Variants in GAK observed in about 807,000 individuals in gnomAD.
The protein encoded by GAK is cyclin-G-associated kinase.
GAK carries 79 observed loss-of-function variants against 143.9 expected under a neutral mutation model. The ratio of observed to expected loss-of-function variants is 0.55; its 90% CI spans 0.46 to 0.66. The LOEUF (loss-of-function observed/expected upper bound fraction) is 0.66, where lower values mean the gene tolerates loss of function less well. GAK is among the 30% of genes least tolerant of loss of function. GAK has a pLI of 0.00. For synonymous variants in GAK, 881 were observed against 765.5 expected (o/e 1.15, Z -2.49); for missense variants, 1,693 against 1,779.7 (o/e 0.95, Z 0.88).
intron 15 of GAK, among the ~76,000 whole-genome samples, chr4:880,352 G>A (rs982652194): frequency 2.0e-5 from 3 of 152,246 alleles, no homozygotes; most frequent in South Asian, 2.1e-4. Context: ...CTGCATGAGC[G>A]TCCTCAGCAC....
rs1426494836 is a variant in GAK, at chr4:871,206, C to A, written c.2055-302G>T. Among the ~76,000 whole-genome samples, 3 of 152,334 alleles carry A rather than the reference C, an allele frequency of 2.0e-5. No individual in the cohort carries two copies. In the East Asian group the frequency reaches 5.8e-4, roughly 29 times the overall value. On this transcript the variant is annotated intron_variant, in intron 18 of 27. Coordinates refer to ENST00000314167, the MANE Select transcript of GAK (RefSeq NM_005255.4). The stretch of plus-strand genomic sequence containing the variant: ...CGACTGTGTTCAAGGCAGAGGGGCA[C>A]CGGGCGGGGCCGCCATGTTTCCTGC...
chr4:868,585 G>A lies in GAK; in HGVS notation c.2349C>T (p.Ser783=), dbSNP rs770790242. 1.5e-5 allele frequency: 24 copies of A among 1,604,638 alleles called. No homozygotes were observed. The highest frequency in any genetic ancestry group is 2.7e-5 in the African/African-American group (2 of 74,680). The change falls in exon 20 of 28, where the codon AGC becomes AGT. Residue 783 remains serine, a synonymous_variant. Transcript: ENST00000314167. Reference sequence around the variant, plus strand: ...GGAAGCGACTGGCGTCCGCGCTGCTGCTTGGCGGTGAGTCAGAGTCTGTGG... The same window carrying A: ...GGAAGCGACTGGCGTCCGCGCTGCTACTTGGCGGTGAGTCAGAGTCTGTGG... ...AEPTDSDSPP[S]SSADASRFLH... is the part of the protein sequence containing the mutation.
Position 893,934 on chromosome 4 carries a change from T to G in GAK, c.817A>C (p.Asn273His). 1 of 1,612,906 alleles carries G rather than the reference T, an allele frequency of 6.2e-7. No homozygotes were observed. Among genetic ancestry groups the G allele is most frequent in the South Asian group, 1.1e-5 (1 of 91,022 alleles). ...TGCGGGGGGATCGAGTACTTCCCAT[T>G]GACTATTCGAAGTTTCGCTCCATCC... is the stretch of plus-strand genomic sequence containing the variant. ...FEDGAKLRIV[N>H]GKYSIPPHDT... The change falls in exon 8 of 28, where the codon AAT becomes CAT. Residue 273 changes from asparagine (N) to histidine (H), a missense_variant. By Grantham distance (68) the Asn-to-His change is moderately conservative. Coordinates refer to ENST00000314167, the MANE Select transcript of GAK (RefSeq NM_005255.4).
At chr4:873,904 A>G (rs1161084464) in intron 18 of GAK, among the ~76,000 whole-genome samples, 1 of 152,234 alleles carries the variant, frequency 6.6e-6, no homozygotes, top group Non-Finnish European at 1.5e-5. Flanking sequence ...ACTGACAGGC[A>G]CAGCAGGGCG....
chr4:855,573 TCTC>T (rs1748989850), intron 24 of GAK, among the ~76,000 whole-genome samples: 1 of 152,194 alleles, frequency 6.6e-6, no homozygotes, highest in Non-Finnish European at 1.5e-5. Context: ...GTAACTTTGA[TCTC>T]CTTTTCTTGC....
chr4:887,502 A>AGGAG (rs1716699288), intron 11 of GAK: 1 of 148,450 alleles, frequency 6.7e-6, no homozygotes, highest in African/African-American at 2.5e-5. Context: ...ATGCGTACAC[A>AGGAG]TGCATGTGGC....
chr4:925,644 G>C (rs1378730327), intron 1 of GAK, among the ~76,000 whole-genome samples: 1 of 152,118 alleles, frequency 6.6e-6, no homozygotes. Flanking sequence ...GGCCTCCTTG[G>C]GGGTGACTAG....
intron 23 of GAK, among the ~76,000 whole-genome samples, chr4:860,947 A>C (rs932537216): frequency 1.3e-5 from 2 of 152,172 alleles, no homozygotes; most frequent in Admixed American, 6.5e-5. Flanking sequence ...CCTGTGCCCC[A>C]TTTTGGGAAC....
chr4:907,902 A>C (rs1270765120), intron 4 of GAK, among the ~76,000 whole-genome samples: 1 of 152,088 alleles, frequency 6.6e-6, no homozygotes, highest in Non-Finnish European at 1.5e-5. Flanking sequence ...TGCCTCGTGT[A>C]TTTATGACTT....
intron 11 of GAK, 129 bp from the exon 12 acceptor site, chr4:884,215 G>A (rs1715778558): frequency 2.7e-6 from 2 of 732,882 alleles, no homozygotes; most frequent in Non-Finnish European, 4.7e-6. Flanking sequence ...ATCCCAGGAG[G>A]AACGTGTGTG....
intron 11 of GAK, chr4:886,242 C>G (rs1326787596): frequency 6.6e-6 from 1 of 152,288 alleles, no homozygotes. Context: ...CCCACCATCC[C>G]CTAACAAGCA....
At position 912,615 on chromosome 4, in the gene GAK, T is replaced by C. The variant is rs1436573720; in HGVS notation, c.267+120A>G. ...AGGTTTGGTAAAAGCAAAAAGCCGA[T>C]TTTAACACATGAAAGACAACGTCAC... is the stretch of plus-strand genomic sequence containing the variant. On this transcript the variant is annotated intron_variant, in intron 3 of 27. Transcript: ENST00000314167. 9.4e-6 allele frequency: 7 copies of C among 744,410 alleles called. No homozygotes were observed. In the Admixed American group the frequency reaches 1.3e-4, roughly 14 times the overall value. 46.1% of individuals were successfully genotyped at this position (744,410 alleles called of 1,614,324 possible).
In GAK at chr4:900,004, C is replaced by T. The variant is rs372562888; in HGVS notation, c.526-1846G>A. ...AGAAAATCAGATGCAGAGCGTGGGG[C>T]GAGGCTCCCCTCACAGGACGCCCAG... On this transcript the variant is annotated intron_variant, in intron 5 of 27. Coordinates refer to ENST00000314167, the MANE Select transcript of GAK (RefSeq NM_005255.4). Among the ~76,000 whole-genome samples the T allele has an allele frequency of 2.0e-3, 306 of 152,346 alleles. 12 individuals carry two copies. The South Asian group carries it at 0.059, about 29-fold the overall frequency.
At chr4:849,827 G>T in intron 27 of GAK, 53 bp from the exon 28 acceptor site, 3 of 1,410,380 alleles carry the variant, frequency 2.1e-6, no homozygotes, top group Non-Finnish European at 2.9e-6. Context: ...GGGGCGGGCG[G>T]GGCAGGACCC....
At chr4:880,199 C>T (rs553443339) in intron 15 of GAK, among the ~76,000 whole-genome samples, 100 of 151,988 alleles carry the variant, frequency 6.6e-4, no homozygotes, top group South Asian at 4.2e-3. Context: ...CTCTCCACAG[C>T]TCTGACGAAC....
At chr4:923,267 A>G (rs1418258365) in intron 1 of GAK, among the ~76,000 whole-genome samples, 2 of 152,146 alleles carry the variant, frequency 1.3e-5, no homozygotes, top group Non-Finnish European at 2.9e-5. Context: ...TCAAAATAAT[A>G]CAGTTTATTT....
At chr4:854,773 C>T (rs895856322) in intron 24 of GAK, among the ~76,000 whole-genome samples, 26 of 152,104 alleles carry the variant, frequency 1.7e-4, no homozygotes, top group Admixed American at 7.9e-4. Flanking sequence ...TGGCTGGGTG[C>T]GGTGGCTCAC....
chr4:903,790 A>G (rs1031399529), intron 5 of GAK, among the ~76,000 whole-genome samples: 1 of 151,886 alleles, frequency 6.6e-6, no homozygotes, highest in African/African-American at 2.4e-5. Flanking sequence ...CCTCGTCCAC[A>G]GCTCCCCACG....
intron 24 of GAK, among the ~76,000 whole-genome samples, chr4:857,022 C>T (rs945685603): frequency 2.6e-5 from 4 of 152,208 alleles, no homozygotes; most frequent in African/African-American, 9.6e-5. Flanking sequence ...GACTCTTCAG[C>T]CAGTTAATAT....
Sources: gnomAD v4.1 joint callset for allele counts (sites outside exome capture counted in the v4.1 genomes callset) on GRCh38, gnomAD v4.1.1 for gene constraint, MANE v1.5 for transcripts, NCBI Gene and HGNC (gene_info 2026-07-23, HGNC 2026-07-21) for gene names.